Variants in MYO16 observed in about 807,000 individuals in gnomAD.
The protein encoded by MYO16 is unconventional myosin-XVI.
In MYO16, 94 loss-of-function variants were observed where a neutral mutation model predicts 205.3. That is an observed-to-expected ratio of 0.46 (90% confidence interval 0.39 to 0.54). The LOEUF (loss-of-function observed/expected upper bound fraction) is 0.54. MYO16 is among the 20% of genes least tolerant of loss of function. The probability of loss-of-function intolerance (pLI) is 0.00; values close to 1 mark genes in which losing one functional copy is unlikely to be tolerated. For synonymous variants in MYO16, 988 were observed against 954.0 expected, an observed-to-expected ratio of 1.04 and a Z score of -0.66; for missense variants, 2,315 against 2,387.5, an observed-to-expected ratio of 0.97 and a Z score of 0.63.
intron 4 of MYO16, among the ~76,000 whole-genome samples, chr13:108,758,082 T>C (rs1055708623): frequency 6.6e-6 from 1 of 152,150 alleles, no homozygotes; most frequent in South Asian, 2.1e-4. Context: ...CCTTCTGCCA[T>C]GCGAAGATGC....
chr13:108,979,365 T>C (rs1884379910), intron 20 of MYO16, among the ~76,000 whole-genome samples: 1 of 152,024 alleles, frequency 6.6e-6, no homozygotes, highest in Non-Finnish European at 1.5e-5. Flanking sequence ...GTTTTATCTG[T>C]AGTGCTTCCT....
chr13:108,495,824 G>T, the MYO16 span, among the ~76,000 whole-genome samples: 90 of 151,800 alleles, frequency 5.9e-4, no homozygotes, highest in African/African-American at 2.1e-3. Context: ...AGGGGCAACT[G>T]CCGACCCCTC....
At chr13:108,913,353 T>A (rs1881350447) in intron 16 of MYO16, among the ~76,000 whole-genome samples, 1 of 152,228 alleles carries the variant, frequency 6.6e-6, no homozygotes, top group Admixed American at 6.5e-5. Flanking sequence ...ATAGTATGTA[T>A]ACAGTATTTT....
At chr13:108,802,509 G>C (rs560447349) in intron 6 of MYO16, among the ~76,000 whole-genome samples, 3 of 152,142 alleles carry the variant, frequency 2.0e-5, no homozygotes, top group Non-Finnish European at 2.9e-5. Flanking sequence ...CAGTGAACTT[G>C]GCTATTATGA....
At chr13:109,038,888 A>G (rs1475613690) in intron 23 of MYO16, among the ~76,000 whole-genome samples, 1 of 152,062 alleles carries the variant, frequency 6.6e-6, no homozygotes, top group African/African-American at 2.4e-5. Context: ...CTAAATGGAT[A>G]TTTTTCTCCT....
intron 4 of MYO16, among the ~76,000 whole-genome samples, chr13:108,778,762 C>T (rs1338242670): frequency 6.6e-6 from 1 of 152,196 alleles, no homozygotes; most frequent in East Asian, 1.9e-4. Context: ...CATGGTACTT[C>T]AGCAACCTAC....
At chr13:108,639,959 T>C (rs1368233427) in intron 1 of MYO16, among the ~76,000 whole-genome samples, 3 of 152,218 alleles carry the variant, frequency 2.0e-5, no homozygotes, top group South Asian at 2.1e-4. Flanking sequence ...AAGTTTCAGA[T>C]GGGAAGAGCA....
At chr13:108,971,727 A>G (rs1347274004) in intron 20 of MYO16, among the ~76,000 whole-genome samples, 1 of 152,154 alleles carries the variant, frequency 6.6e-6, no homozygotes, top group East Asian at 1.9e-4. Flanking sequence ...ATTTAAAAAT[A>G]TTATGATTAA....
chr13:108,525,510 C>T, the MYO16 span, among the ~76,000 whole-genome samples: 1 of 152,112 alleles, frequency 6.6e-6, no homozygotes, highest in Non-Finnish European at 1.5e-5. Context: ...CTGGCCTTTA[C>T]CCTAGATGAT....
At chr13:108,675,384 A>G (rs1882157183) in intron 2 of MYO16, among the ~76,000 whole-genome samples, 1 of 152,220 alleles carries the variant, frequency 6.6e-6, no homozygotes, top group Admixed American at 6.5e-5. Context: ...CCATTTCCAA[A>G]TCAGATATAA....
intron 27 of MYO16, among the ~76,000 whole-genome samples, chr13:109,086,918 T>TCACA (rs761549103): frequency 2.1e-4 from 32 of 152,242 alleles, no homozygotes; most frequent in Admixed American, 1.6e-3. Flanking sequence ...ATTTCATGGC[T>TCACA]CAATGTGGCA....
chr13:109,032,137 T>C (rs1160276556), intron 23 of MYO16, among the ~76,000 whole-genome samples: 1 of 152,176 alleles, frequency 6.6e-6, no homozygotes, highest in Non-Finnish European at 1.5e-5. Flanking sequence ...TTTGGCTGGC[T>C]GCTCCCCCTC....
the MYO16 span, among the ~76,000 whole-genome samples, chr13:108,553,919 T>C: frequency 3.3e-5 from 5 of 152,248 alleles, no homozygotes; most frequent in Non-Finnish European, 5.9e-5. Context: ...AAAAGTGTGT[T>C]GGAAGCATGT....
At position 109,066,596 on chromosome 13, in the gene MYO16, A is replaced by G. The variant is rs375010648; in HGVS notation, c.3335+11001A>G. Among the ~76,000 whole-genome samples the G allele has an allele frequency of 1.1e-3, 175 of 152,252 alleles. 5 individuals are homozygous for G. In the South Asian group the frequency reaches 0.036, roughly 31 times the overall value. ...TGTTATGCTGCTCAGTACATTATGG[A>G]TCATAAGATTTCCCATATTATTCTT... is the stretch of plus-strand genomic sequence containing the variant. On this transcript the variant is annotated intron_variant, in intron 27 of 34. Transcript: ENST00000457511.
At chr13:108,643,762 T>A (rs1880615143) in intron 1 of MYO16, among the ~76,000 whole-genome samples, 1 of 152,218 alleles carries the variant, frequency 6.6e-6, no homozygotes, top group Non-Finnish European at 1.5e-5. Context: ...TTATAAATAT[T>A]CAAAGACAAG....
chr13:109,119,382 T>C lies in MYO16; in HGVS notation c.3439-988T>C, dbSNP rs115174409. Among the ~76,000 whole-genome samples the C allele has an allele frequency of 5.7e-3, 872 of 152,324 alleles. 9 individuals are homozygous for C. The highest frequency in any genetic ancestry group is 0.02 in the African/African-American group (826 of 41,576). On this transcript the variant is annotated intron_variant, in intron 28 of 34. Coordinates refer to ENST00000457511, the MANE Select transcript of MYO16 (RefSeq NM_001198950.3). ...TGCTAAGAATCTGATTATAAACTTATTGCAAGTAATACTTTCCCTTTATCT... is the reference window on the plus strand; with the variant it reads ...TGCTAAGAATCTGATTATAAACTTACTGCAAGTAATACTTTCCCTTTATCT...
At chr13:108,914,587 G>A (rs1163954031) in intron 16 of MYO16, among the ~76,000 whole-genome samples, 1 of 152,068 alleles carries the variant, frequency 6.6e-6, no homozygotes, top group Non-Finnish European at 1.5e-5. Flanking sequence ...TGAGCTAAAG[G>A]CATATTCAAT....
At chr13:108,645,744 C>T (rs576451029) in intron 1 of MYO16, among the ~76,000 whole-genome samples, 1 of 143,570 alleles carries the variant, frequency 7.0e-6, no homozygotes, top group African/African-American at 2.9e-5. Context: ...GAAAGGAATG[C>T]ATAATGGCCT....
rs191147829 is a variant in MYO16 at position 108,730,150 on chromosome 13, T to C, written c.507+2567T>C. On this transcript the variant is annotated intron_variant, in intron 4 of 34. Coordinates refer to ENST00000457511, the MANE Select transcript of MYO16 (RefSeq NM_001198950.3). ...TCTTGGAGTTCCCATAATCCCCACA[T>C]GTCATAAGAGGTAACTGAATCATAG... Among the ~76,000 whole-genome samples the C allele has an allele frequency of 9.2e-5, 14 of 152,276 alleles. No individual in the cohort carries two copies. In the East Asian group the frequency reaches 2.5e-3, roughly 27 times the overall value.
Sources: gnomAD v4.1 joint callset for allele counts (sites outside exome capture counted in the v4.1 genomes callset) on GRCh38, gnomAD v4.1.1 for gene constraint, MANE v1.5 for transcripts, NCBI Gene and HGNC (gene_info 2026-07-23, HGNC 2026-07-21) for gene names.